The following CDH19 variants were observed in gnomAD, a reference collection of about 807,000 sequenced individuals.
CDH19 encodes the protein cadherin 19, also known as cadherin-19.
A neutral mutation model predicts 64.2 loss-of-function variants in CDH19; 67 were observed. The ratio of observed to expected loss-of-function variants is 1.04; its 90% CI spans 0.86 to 1.28. CDH19 has a LOEUF of 1.28. Ranked by LOEUF, CDH19 falls within the 50% of genes most tolerant of loss-of-function variation. CDH19 has a pLI of 0.00. For synonymous variants in CDH19, 346 were observed against 319.3 expected, an observed-to-expected ratio of 1.08 and a Z score of -0.89; for missense variants, 1,030 against 929.0, an observed-to-expected ratio of 1.11 and a Z score of -1.41.
rs533463376 is a variant in CDH19, at chr18:66,582,026, T to C, written c.-112-9710A>G. On this transcript the variant is annotated intron_variant, in intron 1 of 11. Coordinates refer to ENST00000262150, the MANE Select transcript of CDH19 (RefSeq NM_021153.4). The stretch of plus-strand genomic sequence containing the variant: ...TCTTAAAGACATCAAGTGTATTCTA[T>C]ACACTGTACTTTATTGAATGGAAGA... Among the ~76,000 whole-genome samples, 3 of 152,274 alleles carry C rather than the reference T, an allele frequency of 2.0e-5. No individual in the cohort carries two copies. The East Asian group carries it at 5.8e-4, about 29-fold the overall frequency.
At chr18:66,566,280 C>CT (rs34978720) in intron 3 of CDH19, among the ~76,000 whole-genome samples, 6,615 of 120,726 alleles carry the variant, frequency 0.055, 176 homozygotes, top group Admixed American at 0.087. Flanking sequence ...ATGACCCTTT[C>CT]TTTTTTTTTT....
At chr18:66,531,345 G>A (rs973243932) in intron 8 of CDH19, among the ~76,000 whole-genome samples, 4 of 152,152 alleles carry the variant, frequency 2.6e-5, no homozygotes, top group African/African-American at 7.2e-5. Context: ...GCCAAGCATG[G>A]TAACTCACAC....
At chr18:66,548,052 A>G (rs1987196552) in intron 5 of CDH19, among the ~76,000 whole-genome samples, 1 of 147,246 alleles carries the variant, frequency 6.8e-6, no homozygotes, top group Admixed American at 6.8e-5. Flanking sequence ...TATATATTAT[A>G]TATGATATAT....
chr18:66,563,760 G>A (rs1405224050), intron 3 of CDH19, among the ~76,000 whole-genome samples: 2 of 151,958 alleles, frequency 1.3e-5, no homozygotes, highest in African/African-American at 4.8e-5. Flanking sequence ...TCAGGAAACA[G>A]ATAATATTTT....
chr18:66,529,011 A>G (rs1986331102), intron 9 of CDH19, among the ~76,000 whole-genome samples: 1 of 151,978 alleles, frequency 6.6e-6, no homozygotes, highest in African/African-American at 2.4e-5. Context: ...AAGAAACCTG[A>G]TAATTATATT....
intron 10 of CDH19, among the ~76,000 whole-genome samples, chr18:66,511,091 A>C (rs1985460066): frequency 6.6e-6 from 1 of 151,762 alleles, no homozygotes; most frequent in Non-Finnish European, 1.5e-5. Flanking sequence ...AGATTGATAC[A>C]AATTATTTAG....
At position 66,535,071 on chromosome 18, in the gene CDH19, A is replaced by G. The variant is rs1986606196; in HGVS notation, c.1251T>C (p.Asn417=). 2.0e-6 allele frequency: 3 copies of G among 1,507,944 alleles called. No individual in the cohort carries two copies. In the African/African-American group the frequency reaches 4.1e-5, roughly 21 times the overall value. The allele number at this position is 1,507,944 out of a possible 1,614,324, so 93.4% of individuals were successfully genotyped here. ...SITRSKVFNI[N]DNGTITTSNS... ...TACTTGTAGTGATTGTACCATTATCATTGATATTGAACACTTTGCTCCTAG... is the reference window on the plus strand; with the variant it reads ...TACTTGTAGTGATTGTACCATTATCGTTGATATTGAACACTTTGCTCCTAG... Residue 417 remains asparagine, a synonymous_variant, in exon 8 of 12, where the codon AAT becomes AAC. Transcript: ENST00000262150.
chr18:66,560,606 A>G lies in CDH19; in HGVS notation c.491-6082T>C, dbSNP rs531223385. 3.4e-4 allele frequency among the ~76,000 whole-genome samples: 52 copies of G among 152,188 alleles called. 1 individual carries two copies. The South Asian group carries it at 4.6e-3, about 13-fold the overall frequency. On this transcript the variant is annotated intron_variant, in intron 3 of 11. Coordinates refer to ENST00000262150, the MANE Select transcript of CDH19 (RefSeq NM_021153.4). ...TATGTATATAATATTTATGGAAAAC[A>G]TATATTTAGTCCTGGGGAATTTGAT...
intron 3 of CDH19, among the ~76,000 whole-genome samples, chr18:66,560,295 A>G (rs1987673605): frequency 6.6e-6 from 1 of 152,134 alleles, no homozygotes; most frequent in Non-Finnish European, 1.5e-5. Flanking sequence ...GAACCCCTTC[A>G]CCAGAAGGTG....
intron 9 of CDH19, among the ~76,000 whole-genome samples, chr18:66,528,371 C>G (rs1335348180): frequency 6.6e-6 from 1 of 152,064 alleles, no homozygotes; most frequent in Non-Finnish European, 1.5e-5. Context: ...CTATACTGTA[C>G]GCCCATACAT....
Position 66,504,143 on chromosome 18 carries a change from C to G in CDH19, c.*669G>C, listed in dbSNP as rs1276846738. 1 of 151,748 alleles carries G rather than the reference C, an allele frequency of 6.6e-6. No individual in the cohort carries two copies. Among genetic ancestry groups the G allele is most frequent in the East Asian group, 1.9e-4 (1 of 5,164 alleles). The allele number at this position is 151,748 out of a possible 1,614,324, so 9.4% of individuals were successfully genotyped here. A position where few individuals can be genotyped will look rare whatever the true frequency, so the allele number is the denominator to read the frequency against. On this transcript the variant is annotated 3_prime_UTR_variant, in exon 12 of 12. Coordinates refer to ENST00000262150, the MANE Select transcript of CDH19 (RefSeq NM_021153.4). ...AGTAGAGGAATATTTTAGTCATATG[C>G]CAGAGCTGGTTTTATAAGGCTTTTA...
intron 3 of CDH19, among the ~76,000 whole-genome samples, chr18:66,567,626 T>A (rs2144568098): frequency 6.6e-6 from 1 of 151,986 alleles, no homozygotes; most frequent in East Asian, 1.9e-4. Flanking sequence ...GGCTAATGAA[T>A]CAAGTAATGA....
At chr18:66,577,373 G>A (rs1988295925) in intron 1 of CDH19, among the ~76,000 whole-genome samples, 1 of 151,772 alleles carries the variant, frequency 6.6e-6, no homozygotes, top group Non-Finnish European at 1.5e-5. Flanking sequence ...TAAAGTATTG[G>A]ATCAACAAAT....
intron 9 of CDH19, among the ~76,000 whole-genome samples, chr18:66,512,830 T>C (rs1286541284): frequency 6.6e-6 from 1 of 151,452 alleles, no homozygotes; most frequent in Non-Finnish European, 1.5e-5. Context: ...CCCAATATTC[T>C]GAATCCTGGC....
intron 2 of CDH19, among the ~76,000 whole-genome samples, chr18:66,570,351 C>T (rs1010926121): frequency 6.6e-6 from 1 of 151,628 alleles, no homozygotes; most frequent in Admixed American, 6.6e-5. Flanking sequence ...TGAACACCAG[C>T]CTTTTAATGT....
chr18:66,568,840 A>AATGT, intron 2 of CDH19, 130 bp from the exon 3 acceptor site: 5 of 669,846 alleles, frequency 7.5e-6, no homozygotes, highest in African/African-American at 1.8e-5. Flanking sequence ...ACATTACATT[A>AATGT]AATGAGGCAA....
chr18:66,559,991 G>A (rs924526124), intron 3 of CDH19, among the ~76,000 whole-genome samples: 2 of 151,892 alleles, frequency 1.3e-5, no homozygotes, highest in Admixed American at 1.3e-4. Context: ...GAAAAACAAG[G>A]ACCAAGTATG....
At chr18:66,594,981 T>C (rs1336713074) in intron 1 of CDH19, among the ~76,000 whole-genome samples, 1 of 150,640 alleles carries the variant, frequency 6.6e-6, no homozygotes, top group Non-Finnish European at 1.5e-5. Flanking sequence ...ATTGTGCACA[T>C]GTACCCTAAA....
Position 66,529,829 on chromosome 18 carries a change from TATAATGAG to T in CDH19, c.1458+8_1458+15del, listed in dbSNP as rs767206814. On this transcript the variant is annotated splice_region_variant and intron_variant, in intron 9 of 11. Coordinates refer to ENST00000262150, the MANE Select transcript of CDH19 (RefSeq NM_021153.4). ...GATATATTGTTTAGACTTTGTAATT[TATAATGAG>T]TCCTTACCTGACCAGAGCCTGCATT... The T allele has an allele frequency of 1.8e-5, 28 of 1,527,742 alleles. No homozygotes were observed. The highest frequency in any genetic ancestry group is 8.8e-7 in the Non-Finnish European group (1 of 1,134,144). 94.6% of individuals were successfully genotyped at this position (1,527,742 alleles called of 1,614,324 possible). A position where few individuals can be genotyped will look rare whatever the true frequency, so the allele number is the denominator to read the frequency against.
Sources: allele counts gnomAD v4.1 joint callset (sites outside exome capture counted in the v4.1 genomes callset), GRCh38; gene constraint gnomAD v4.1.1; transcripts MANE v1.5; gene names NCBI Gene and HGNC (gene_info 2026-07-23, HGNC 2026-07-21).